Variants in MYEF2 observed in about 807,000 individuals in gnomAD.
MYEF2 encodes the protein myelin gene expression factor 2.
In MYEF2, 37 loss-of-function variants were observed where a neutral mutation model predicts 75.2. The ratio of observed to expected loss-of-function variants is 0.49; its 90% CI spans 0.38 to 0.65. The LOEUF (loss-of-function observed/expected upper bound fraction) is 0.65, where lower values mean the gene tolerates loss of function less well. Ranked by LOEUF, MYEF2 falls within the 30% of genes least tolerant of loss-of-function variation. MYEF2 has a pLI of 0.00. For missense variants in MYEF2, 634 were observed against 771.4 expected, an observed-to-expected ratio of 0.82 and a Z score of 2.11; for synonymous variants, 195 against 241.6, an observed-to-expected ratio of 0.81 and a Z score of 1.79.
chr15:48,172,446 C>T (rs918151390), intron 1 of MYEF2, among the ~76,000 whole-genome samples: 4 of 148,660 alleles, frequency 2.7e-5, no homozygotes, highest in Non-Finnish European at 5.9e-5. Flanking sequence ...TAACTTTACA[C>T]CTCAAGGAAC....
chr15:48,174,693 C>T (rs1051963733), intron 1 of MYEF2, among the ~76,000 whole-genome samples: 3 of 152,076 alleles, frequency 2.0e-5, no homozygotes, highest in African/African-American at 7.2e-5. Flanking sequence ...TGAAAAGGTG[C>T]TCAATATCAC....
chr15:48,149,430 A>AT lies in MYEF2; in HGVS notation c.1379-60dup. The AT allele has an allele frequency of 6.5e-7, 1 of 1,527,624 alleles. No individual in the cohort carries two copies. The highest frequency in any genetic ancestry group is 9.0e-7 in the Non-Finnish European group (1 of 1,105,580). The allele number at this position is 1,527,624 out of a possible 1,614,324, so 94.6% of individuals were successfully genotyped here. ...AATTTTGTGTTTTTGTTTCAAAAAC[A>AT]TAAGGAAAAGGAGAAGAGGAGAAAG... On this transcript the variant is annotated intron_variant, in intron 14 of 16. Transcript: ENST00000324324. The surrounding 1 kb of genome is among the most constrained non-coding windows in gnomAD (Gnocchi z 4.0).
chr15:48,149,435 G>C lies in MYEF2; in HGVS notation c.1379-64C>G, dbSNP rs1304172152. 3 of 1,472,316 alleles carry C rather than the reference G, an allele frequency of 2.0e-6. No individual in the cohort carries two copies. The highest frequency in any genetic ancestry group is 2.8e-6 in the Non-Finnish European group (3 of 1,057,478). 91.2% of individuals were successfully genotyped at this position (1,472,316 alleles called of 1,614,324 possible). ...TGTGTTTTTGTTTCAAAAACATAAGGAAAAGGAGAAGAGGAGAAAGGAGGA... is the reference window on the plus strand; with the variant it reads ...TGTGTTTTTGTTTCAAAAACATAAGCAAAAGGAGAAGAGGAGAAAGGAGGA... On this transcript the variant is annotated intron_variant, in intron 14 of 16. Transcript: ENST00000324324. This position sits in a 1 kb window ranked among gnomAD's most constrained non-coding sequence, Gnocchi z 4.0.
intron 1 of MYEF2, among the ~76,000 whole-genome samples, chr15:48,177,579 T>C (rs962228339): frequency 9.9e-5 from 15 of 151,826 alleles, no homozygotes; most frequent in Non-Finnish European, 2.1e-4. Context: ...ACATACACTT[T>C]AGAAAACAAC....
chr15:48,176,249 G>C (rs1432983721), intron 1 of MYEF2, among the ~76,000 whole-genome samples: 1 of 148,312 alleles, frequency 6.7e-6, no homozygotes, highest in Non-Finnish European at 1.5e-5. Context: ...AAAAGGACTA[G>C]GTCGCTAGTT....
intron 13 of MYEF2, 26 bp downstream of exon 13, chr15:48,151,447 A>G (rs1178123530): frequency 1.9e-6 from 3 of 1,586,558 alleles, no homozygotes; most frequent in Non-Finnish European, 2.6e-6. Flanking sequence ...ACAAAAAGAA[A>G]AGGAGAAGTA....
In MYEF2 at chr15:48,135,431, T is replaced by C. The variant is rs988462893; in HGVS notation, c.*7477A>G. On this transcript the variant is annotated 3_prime_UTR_variant, in exon 17 of 17. Coordinates refer to ENST00000324324, the MANE Select transcript of MYEF2 (RefSeq NM_016132.5). ...AATTCCTCCAAACTTCTGATGCTCATTCAGGAGAAACTATAGCCTTCCTCT... is the reference window on the plus strand; with the variant it reads ...AATTCCTCCAAACTTCTGATGCTCACTCAGGAGAAACTATAGCCTTCCTCT... 6.5e-6 allele frequency: 1 copy of C among 153,316 alleles called. No homozygotes were observed. The highest frequency in any genetic ancestry group is 2.4e-5 in the African/African-American group (1 of 41,462). 9.5% of individuals were successfully genotyped at this position (153,316 alleles called of 1,614,324 possible).
rs781556141 is a variant in MYEF2, at chr15:48,178,141, G to C, written c.97C>G (p.Pro33Ala). ...TGCTTCTCCGCCTCCGCGGGGTGCG[G>C]CTCTCGCCGCGGCTCGCCCGGCGGC... is the stretch of plus-strand genomic sequence containing the variant. ...AEPPGEPRRE[P>A]HPAEAEKQQP... The change falls in exon 1 of 17, where the codon CCG becomes GCG. Residue 33 changes from proline (P) to alanine (A), a missense_variant. Physicochemically the swap from Pro to Ala is conservative, Grantham distance 27. Transcript: ENST00000324324. 3.2e-6 allele frequency: 5 copies of C among 1,577,814 alleles called. No individual in the cohort carries two copies. The highest frequency in any genetic ancestry group is 3.4e-6 in the Non-Finnish European group (4 of 1,162,896).
chr15:48,142,729 A>T lies in MYEF2; in HGVS notation c.*179T>A. 1.7e-6 allele frequency: 1 copy of T among 601,508 alleles called. No individual in the cohort carries two copies. The highest frequency in any genetic ancestry group is 3.2e-5 in the South Asian group (1 of 31,534). 37.3% of individuals were successfully genotyped at this position (601,508 alleles called of 1,614,324 possible). A position where few individuals can be genotyped will look rare whatever the true frequency, so the allele number is the denominator to read the frequency against. On this transcript the variant is annotated 3_prime_UTR_variant, in exon 17 of 17. Coordinates refer to ENST00000324324, the MANE Select transcript of MYEF2 (RefSeq NM_016132.5). Reference sequence around the variant, plus strand: ...CCAGACTTGCTGTCTTTAAAAACCCAAACTTGAGATTAACAAAAATTACAG... The same window carrying T: ...CCAGACTTGCTGTCTTTAAAAACCCTAACTTGAGATTAACAAAAATTACAG...
At chr15:48,163,887 C>T (rs1408496883) in intron 5 of MYEF2, among the ~76,000 whole-genome samples, 1 of 151,994 alleles carries the variant, frequency 6.6e-6, no homozygotes, top group African/African-American at 2.4e-5. Flanking sequence ...CTGTTGAGAC[C>T]TCTTGCTCAA....
chr15:48,145,931 C>G (rs1230662307), intron 16 of MYEF2, among the ~76,000 whole-genome samples: 1 of 151,846 alleles, frequency 6.6e-6, no homozygotes, highest in Non-Finnish European at 1.5e-5. Context: ...ATGCTTGAAG[C>G]AGCAAGTACT....
chr15:48,152,305 T>A (rs1329121507), intron 10 of MYEF2, 21 bp from the exon 11 acceptor site: 3 of 1,582,478 alleles, frequency 1.9e-6, no homozygotes, highest in Admixed American at 3.6e-5. Flanking sequence ...ATACACAGTA[T>A]GTACTTTAAG....
Position 48,168,802 on chromosome 15 carries a change from A to C in MYEF2, c.199T>G (p.Leu67Val). 6.2e-7 allele frequency: 1 copy of C among 1,613,560 alleles called. No homozygotes were observed. The highest frequency in any genetic ancestry group is 8.5e-7 in the Non-Finnish European group (1 of 1,179,730). Reference protein sequence around the residue: ...DESAKEEKSDLKEKSTGSKKA... With the variant: ...DESAKEEKSDVKEKSTGSKKA... Reference sequence around the variant, plus strand: ...TTACTTCCTGTAGATTTTTCCTTTAAGTCAGATTTCTCTTCTTTTGCTGAT... The same window carrying C: ...TTACTTCCTGTAGATTTTTCCTTTACGTCAGATTTCTCTTCTTTTGCTGAT... Residue 67 changes from leucine (L) to valine (V), a missense_variant, in exon 2 of 17, where the codon TTA (leucine) becomes GTA (valine). By Grantham distance (32) the Leu-to-Val change is conservative (BLOSUM62 1). Transcript: ENST00000324324.
rs2039134037 is a variant in MYEF2 at position 48,142,827 on chromosome 15, T to C, written c.*81A>G. On this transcript the variant is annotated 3_prime_UTR_variant, in exon 17 of 17. Coordinates refer to ENST00000324324, the MANE Select transcript of MYEF2 (RefSeq NM_016132.5). ...TTCATTTTTACAGCTTTTGTAAGCA[T>C]ACAATATTACTTTAAAAAAATGACT... 1 of 1,340,798 alleles carries C rather than the reference T, an allele frequency of 7.5e-7. No individual in the cohort carries two copies. The highest frequency in any genetic ancestry group is 1.0e-6 in the Non-Finnish European group (1 of 987,040). The allele number at this position is 1,340,798 out of a possible 1,614,324, so 83.1% of individuals were successfully genotyped here. A position where few individuals can be genotyped will look rare whatever the true frequency, so the allele number is the denominator to read the frequency against.
intron 5 of MYEF2, among the ~76,000 whole-genome samples, chr15:48,160,793 A>C (rs1334996986): frequency 1.3e-5 from 2 of 152,220 alleles, no homozygotes; most frequent in East Asian, 3.9e-4. Context: ...ATGGCTGGAG[A>C]ATAAAAGGTG....
Position 48,134,894 on chromosome 15 carries a change from T to G in MYEF2, c.*8014A>C. 6.2e-7 allele frequency: 1 copy of G among 1,609,282 alleles called. No individual in the cohort carries two copies. Among genetic ancestry groups the G allele is most frequent in the Non-Finnish European group, 8.5e-7 (1 of 1,176,668 alleles). On this transcript the variant is annotated 3_prime_UTR_variant, in exon 17 of 17. Coordinates refer to ENST00000324324, the MANE Select transcript of MYEF2 (RefSeq NM_016132.5). ...CTTACCATATTACAGGTCTCAACAC[T>G]ATCATGTTGGCCCCTATTCAGAGAC...
chr15:48,165,527 T>G (rs546989879), intron 5 of MYEF2, among the ~76,000 whole-genome samples: 48 of 152,164 alleles, frequency 3.2e-4, no homozygotes, highest in African/African-American at 1.1e-3. Context: ...AAAGTGAATA[T>G]CAATTTTATT....
At chr15:48,173,216 C>T (rs1844765961) in intron 1 of MYEF2, among the ~76,000 whole-genome samples, 2 of 152,146 alleles carry the variant, frequency 1.3e-5, no homozygotes, top group African/African-American at 4.8e-5. Flanking sequence ...TTATACACCA[C>T]ATTAACAGAA....
At position 48,141,036 on chromosome 15, in the gene MYEF2, G is replaced by C; in HGVS notation, c.*1872C>G. On this transcript the variant is annotated 3_prime_UTR_variant, in exon 17 of 17. Coordinates refer to ENST00000324324, the MANE Select transcript of MYEF2 (RefSeq NM_016132.5). ...TGCCTATTTTATTTTTGTTCACGAAGGAAATATCCAAAATAACTGCAAAGG... is the reference window on the plus strand; with the variant it reads ...TGCCTATTTTATTTTTGTTCACGAACGAAATATCCAAAATAACTGCAAAGG... The C allele has an allele frequency of 1.7e-6, 2 of 1,202,062 alleles. No individual in the cohort carries two copies. The highest frequency in any genetic ancestry group is 2.4e-6 in the Non-Finnish European group (2 of 827,592). The allele number at this position is 1,202,062 out of a possible 1,614,324, so 74.5% of individuals were successfully genotyped here.
Sources: allele counts gnomAD v4.1 joint callset (sites outside exome capture counted in the v4.1 genomes callset), GRCh38; gene constraint gnomAD v4.1.1; non-coding constraint Gnocchi (gnomAD v3.1); transcripts MANE v1.5; gene names NCBI Gene and HGNC (gene_info 2026-07-23, HGNC 2026-07-21).